The following PLA2R1 variants were observed in gnomAD, a reference collection of about 807,000 sequenced individuals.
The protein encoded by PLA2R1 is secretory phospholipase A2 receptor.
Under a neutral mutation model 195.9 loss-of-function variants are expected in PLA2R1, and 158 were observed. The ratio of observed to expected loss-of-function variants is 0.81; its 90% CI spans 0.71 to 0.92. The LOEUF (loss-of-function observed/expected upper bound fraction) is 0.92, where lower values mean the gene tolerates loss of function less well. Ranked by LOEUF, PLA2R1 falls within the 40% of genes least tolerant of loss-of-function variation. The pLI is 0.00. For missense variants in PLA2R1, 1,626 were observed against 1,764.6 expected (o/e 0.92, Z 1.41); for synonymous variants, 586 against 598.2 (o/e 0.98, Z 0.30).
intron 17 of PLA2R1, among the ~76,000 whole-genome samples, chr2:159,971,375 A>G (rs1160402220): frequency 2.0e-5 from 3 of 152,178 alleles, no homozygotes; most frequent in Non-Finnish European, 4.4e-5. Flanking sequence ...ATCCTTTTAC[A>G]TTTTACTAAT....
chr2:160,007,138 T>C (rs1405984058), intron 10 of PLA2R1, among the ~76,000 whole-genome samples: 2 of 152,200 alleles, frequency 1.3e-5, no homozygotes. Context: ...GGCAGAACCT[T>C]ATATAAATGT....
chr2:160,062,189 T>G, intron 1 of PLA2R1, 106 bp downstream of exon 1: 1 of 908,350 alleles, frequency 1.1e-6, no homozygotes, highest in Non-Finnish European at 1.6e-6. Flanking sequence ...GCGGCCGCCC[T>G]TGCCCGCCAG....
intron 13 of PLA2R1, among the ~76,000 whole-genome samples, chr2:159,980,310 C>T (rs1689860517): frequency 6.6e-6 from 1 of 152,102 alleles, no homozygotes; most frequent in African/African-American, 2.4e-5. Context: ...TCAGGAATAG[C>T]AAAGCCTTTC....
chr2:159,951,429 T>C lies in PLA2R1; in HGVS notation c.3451A>G (p.Ser1151Gly). The C allele has an allele frequency of 1.2e-6, 2 of 1,613,340 alleles. No individual in the cohort carries two copies. Among genetic ancestry groups the C allele is most frequent in the East Asian group, 2.2e-5 (1 of 44,876 alleles). Residue 1151 changes from serine to glycine, a missense_variant, in exon 24 of 30, where the codon AGC becomes GGC. Ser to Gly is a moderately conservative substitution (Grantham distance 56, BLOSUM62 0). Transcript: ENST00000283243. ...GACTGGTGATACTGGTCTGTGATGC[T>C]GACCAGTTGTGCTTTGTGCATCAGG... is the stretch of plus-strand genomic sequence containing the variant. ...TCLMHKAQLV[S>G]ITDQYHQSFL...
At chr2:160,041,656 G>T (rs1694529093) in intron 3 of PLA2R1, among the ~76,000 whole-genome samples, 5 of 152,210 alleles carry the variant, frequency 3.3e-5, no homozygotes, top group Admixed American at 3.3e-4. Context: ...GCTCATAAGA[G>T]ATAGTGGATT....
intron 9 of PLA2R1, among the ~76,000 whole-genome samples, chr2:160,013,701 C>CTGTGTGTGTG (rs1553462074): frequency 7.6e-6 from 1 of 131,212 alleles, no homozygotes; most frequent in Admixed American, 8.3e-5. Flanking sequence ...CTCTCTCTCT[C>CTGTGTGTGTG]TGTCTCTCTC....
Position 159,970,953 on chromosome 2 carries a change from G to C in PLA2R1, c.2596-741C>G, listed in dbSNP as rs540290139. Among the ~76,000 whole-genome samples the C allele has an allele frequency of 9.9e-5, 15 of 151,570 alleles. 1 individual carries two copies. The highest frequency in any genetic ancestry group is 2.9e-4 in the African/African-American group (12 of 41,250). On this transcript the variant is annotated intron_variant, in intron 17 of 29. Transcript: ENST00000283243. Reference sequence around the variant, plus strand: ...AACATCACACACTGGGGCCTGTCGGGGGGTGGGGGGCTGGGGGAGGGATAG... The same window carrying C: ...AACATCACACACTGGGGCCTGTCGGCGGGTGGGGGGCTGGGGGAGGGATAG...
intron 3 of PLA2R1, among the ~76,000 whole-genome samples, chr2:160,038,394 C>G (rs2105563944): frequency 6.6e-6 from 1 of 152,316 alleles, no homozygotes; most frequent in Non-Finnish European, 1.5e-5. Context: ...CTTTGCGTTT[C>G]TAGCAAGCTC....
intron 17 of PLA2R1, among the ~76,000 whole-genome samples, chr2:159,972,697 AAC>A (rs373700953): frequency 1.6e-4 from 25 of 152,350 alleles, no homozygotes; most frequent in African/African-American, 5.8e-4. Flanking sequence ...AATACTGCAT[AAC>A]AGTGTAAAAA....
intron 17 of PLA2R1, among the ~76,000 whole-genome samples, chr2:159,970,837 C>A (rs1689110614): frequency 2.6e-5 from 4 of 151,416 alleles, no homozygotes; most frequent in African/African-American, 9.7e-5. Flanking sequence ...TCAATCTCAG[C>A]AAACTAACAC....
Position 160,062,445 on chromosome 2 carries a change from C to A in PLA2R1, c.-42G>T, listed in dbSNP as rs1696034124. ...CTCCGGGAGCCCCTTGTCCCGGGAG[C>A]CCCTTATCCCGGGAGCCCAGAGCCG... On this transcript the variant is annotated 5_prime_UTR_variant, in exon 1 of 30. Transcript: ENST00000283243. 4 of 1,503,818 alleles carry A rather than the reference C, an allele frequency of 2.7e-6. No individual in the cohort carries two copies. The highest frequency in any genetic ancestry group is 3.5e-6 in the Non-Finnish European group (4 of 1,127,916). 93.2% of individuals were successfully genotyped at this position (1,503,818 alleles called of 1,614,324 possible). A position where few individuals can be genotyped will look rare whatever the true frequency, so the allele number is the denominator to read the frequency against.
rs778403102 is a variant in PLA2R1, at chr2:159,946,924, G to A, written c.3851-7C>T. ...ATTGTTAAAAGATTAGAACCTATAAGAGAGACAAGTAGCAAAGGAATATTT... is the reference window on the plus strand; with the variant it reads ...ATTGTTAAAAGATTAGAACCTATAAAAGAGACAAGTAGCAAAGGAATATTT... On this transcript the variant is annotated splice_region_variant and splice_polypyrimidine_tract_variant and intron_variant, in intron 26 of 29. Coordinates refer to ENST00000283243, the MANE Select transcript of PLA2R1 (RefSeq NM_007366.5). 3.9e-6 allele frequency: 6 copies of A among 1,539,676 alleles called. No homozygotes were observed. The highest frequency in any genetic ancestry group is 2.3e-5 in the South Asian group (2 of 86,404).
chr2:160,025,608 A>C (rs907289307), intron 6 of PLA2R1, among the ~76,000 whole-genome samples: 3 of 150,230 alleles, frequency 2.0e-5, no homozygotes, highest in African/African-American at 7.3e-5. Context: ...AAAAAAAAAA[A>C]AACTATAGCA....
intron 16 of PLA2R1, 98 bp downstream of exon 16, chr2:159,976,587 G>T: frequency 2.6e-6 from 2 of 777,848 alleles, no homozygotes; most frequent in South Asian, 1.6e-5. Context: ...AGAGAGGCTC[G>T]ATTTGAGAAA....
At chr2:159,924,028 C>CTG in the PLA2R1 span, among the ~76,000 whole-genome samples, 1 of 72,264 alleles carries the variant, frequency 1.4e-5, no homozygotes. Context: ...GTTGGCAGGG[C>CTG]TGCGCTCTCT....
At chr2:159,955,929 A>T (rs1395847048) in intron 21 of PLA2R1, 101 bp from the exon 22 acceptor site, 1 of 652,026 alleles carries the variant, frequency 1.5e-6, no homozygotes, top group African/African-American at 1.9e-5. Flanking sequence ...ATGCCAGCAA[A>T]ACATAATTAT....
intron 23 of PLA2R1, 31 bp downstream of exon 23, chr2:159,955,168 T>TG: frequency 6.4e-7 from 1 of 1,561,794 alleles, no homozygotes; most frequent in Non-Finnish European, 8.8e-7. Flanking sequence ...ACTTTGGAAA[T>TG]GAAAGGAATA....
chr2:160,033,166 T>A, intron 3 of PLA2R1, 34 bp from the exon 4 acceptor site: 1 of 1,514,588 alleles, frequency 6.6e-7, no homozygotes, highest in Non-Finnish European at 9.1e-7. Flanking sequence ...CAACCAGGTC[T>A]TATTTTATCT....
At position 160,005,716 on chromosome 2, in the gene PLA2R1, A is replaced by G; in HGVS notation, c.1770T>C (p.Thr590=). The G allele has an allele frequency of 6.2e-7, 1 of 1,613,944 alleles. No individual in the cohort carries two copies. The highest frequency in any genetic ancestry group is 8.5e-7 in the Non-Finnish European group (1 of 1,179,870). Residue 590 remains threonine (T), a synonymous_variant, in exon 11 of 30, where the codon ACT becomes ACC. Coordinates refer to ENST00000283243, the MANE Select transcript of PLA2R1 (RefSeq NM_007366.5). Reference sequence around the variant, plus strand: ...CGGGTTTCTGCCCTACTGGCTTCCAAGTGTATTCTCCCGTATCATTTTGGT... The same window carrying G: ...CGGGTTTCTGCCCTACTGGCTTCCAGGTGTATTCTCCCGTATCATTTTGGT... ...LQDQNDTGEY[T]WKPVGQKPEP... is the part of the protein sequence containing the mutation.
Sources: allele counts gnomAD v4.1 joint callset (sites outside exome capture counted in the v4.1 genomes callset), GRCh38; gene constraint gnomAD v4.1.1; transcripts MANE v1.5; gene names NCBI Gene and HGNC (gene_info 2026-07-23, HGNC 2026-07-21).